The following APBB2 variants were observed in gnomAD, a reference collection of about 807,000 sequenced individuals.
The protein encoded by APBB2 is Fe65-like 1.
A neutral mutation model predicts 82.5 loss-of-function variants in APBB2; 38 were observed. That is an observed-to-expected ratio of 0.46 (90% CI 0.36 to 0.60). The LOEUF is 0.60. APBB2 is among the 20% of genes least tolerant of loss of function. The pLI, the probability that APBB2 is intolerant of heterozygous loss-of-function variation, is 0.00. For synonymous variants in APBB2, 341 were observed against 368.2 expected (o/e 0.93, Z 0.85); for missense variants, 772 against 972.3 (o/e 0.79, Z 2.74).
At chr4:41,019,082 T>C (rs1043650966) in intron 5 of APBB2, among the ~76,000 whole-genome samples, 1 of 152,204 alleles carries the variant, frequency 6.6e-6, no homozygotes, top group Non-Finnish European at 1.5e-5. Flanking sequence ...TGGTGACTTC[T>C]ATCATATCAG....
chr4:40,936,838 C>T (rs935014972), intron 7 of APBB2, among the ~76,000 whole-genome samples: 1 of 152,186 alleles, frequency 6.6e-6, no homozygotes, highest in Admixed American at 6.5e-5. Flanking sequence ...AAATTAATAA[C>T]CTAGGGCAAT....
chr4:40,814,640 G>C lies in APBB2; in HGVS notation c.*1452C>G, dbSNP rs878914883. On this transcript the variant is annotated 3_prime_UTR_variant, in exon 18 of 18. Transcript: ENST00000508593. Reference sequence around the variant, plus strand: ...TAAAGCATTACTTTTATAATTGGATGTTGTAAATGTTAATTTTGACATTAA... The same window carrying C: ...TAAAGCATTACTTTTATAATTGGATCTTGTAAATGTTAATTTTGACATTAA... 2 of 152,198 alleles carry C rather than the reference G, an allele frequency of 1.3e-5. No individual in the cohort carries two copies. Among genetic ancestry groups the C allele is most frequent in the Non-Finnish European group, 2.9e-5 (2 of 68,022 alleles). The allele number at this position is 152,198 out of a possible 1,614,324, so 9.4% of individuals were successfully genotyped here.
chr4:40,893,794 C>T (rs10001985), intron 10 of APBB2, among the ~76,000 whole-genome samples: 4,057 of 151,488 alleles, frequency 0.027, 119 homozygotes, highest in African/African-American at 0.076. Flanking sequence ...GCCAACATGG[C>T]GAAACCCCGT....
At chr4:41,010,704 A>G (rs569987416) in intron 6 of APBB2, among the ~76,000 whole-genome samples, 1 of 152,346 alleles carries the variant, frequency 6.6e-6, no homozygotes, top group South Asian at 2.1e-4. Context: ...ACTTGTATAT[A>G]GTGGAATAGT....
At position 40,934,523 on chromosome 4, in the gene APBB2, AG is replaced by A; in HGVS notation, c.1194-8del. On this transcript the variant is annotated splice_region_variant and splice_polypyrimidine_tract_variant and intron_variant, in intron 9 of 17. Transcript: ENST00000508593. Reference sequence around the variant, plus strand: ...ATCAGGGTGTGGGGCATTTCTAGGCAGAAAAACAGAAAAGTGGACTTAGAAT... The same window carrying A: ...ATCAGGGTGTGGGGCATTTCTAGGCAAAAAACAGAAAAGTGGACTTAGAAT... 6.2e-7 allele frequency: 1 copy of A among 1,614,174 alleles called. No homozygotes were observed. Among genetic ancestry groups the A allele is most frequent in the Non-Finnish European group, 8.5e-7 (1 of 1,180,000 alleles).
chr4:41,101,413 G>C (rs573013981), intron 2 of APBB2, among the ~76,000 whole-genome samples: 1 of 137,950 alleles, frequency 7.2e-6, no homozygotes, highest in Non-Finnish European at 1.5e-5. Flanking sequence ...GCAGTGAGCC[G>C]AGATTGCGCC....
At chr4:41,059,133 C>T (rs1728849315) in intron 4 of APBB2, among the ~76,000 whole-genome samples, 1 of 151,932 alleles carries the variant, frequency 6.6e-6, no homozygotes, top group South Asian at 2.1e-4. Flanking sequence ...AAATACAGAA[C>T]ACCCATGAAG....
At chr4:41,170,838 G>T (rs765539717) in intron 1 of APBB2, among the ~76,000 whole-genome samples, 4 of 152,114 alleles carry the variant, frequency 2.6e-5, no homozygotes, top group Admixed American at 6.5e-5. Flanking sequence ...TCTTTGTACT[G>T]TTTTTGCTAC....
At chr4:41,204,839 A>G (rs931923155) in intron 1 of APBB2, among the ~76,000 whole-genome samples, 16 of 152,212 alleles carry the variant, frequency 1.1e-4, no homozygotes, top group African/African-American at 3.9e-4. Flanking sequence ...GAAAGATATA[A>G]CAACTGAGCT....
chr4:41,033,036 G>A (rs1232399619), intron 5 of APBB2, among the ~76,000 whole-genome samples, 200 bp downstream of exon 5: 1 of 151,942 alleles, frequency 6.6e-6, no homozygotes, highest in Non-Finnish European at 1.5e-5. Flanking sequence ...GCCGGTCTCG[G>A]CCTCCCAAAG....
intron 6 of APBB2, among the ~76,000 whole-genome samples, chr4:40,953,624 C>T (rs1348957051): frequency 6.6e-6 from 1 of 152,244 alleles, no homozygotes; most frequent in Non-Finnish European, 1.5e-5. Context: ...AGGCCAGCCA[C>T]TCCAGCTGGC....
chr4:41,079,225 T>G (rs1736674616), intron 3 of APBB2, among the ~76,000 whole-genome samples: 1 of 152,226 alleles, frequency 6.6e-6, no homozygotes, highest in Non-Finnish European at 1.5e-5. Context: ...CAGTCTCTTT[T>G]TAGTGCCTGT....
intron 1 of APBB2, among the ~76,000 whole-genome samples, chr4:41,170,112 G>C (rs957710834): frequency 6.6e-6 from 1 of 152,212 alleles, no homozygotes; most frequent in African/African-American, 2.4e-5. Context: ...CACAGTCTCT[G>C]CTAAGTGAGG....
chr4:40,955,503 A>T (rs1381248610), intron 6 of APBB2, among the ~76,000 whole-genome samples: 2 of 152,346 alleles, frequency 1.3e-5, no homozygotes, highest in East Asian at 3.9e-4. Context: ...TCTTGAAGGG[A>T]TCTTTCTGAT....
rs556770587 is a variant in APBB2 at position 41,199,424 on chromosome 4, T to C, written c.-417+14981A>G. Among the ~76,000 whole-genome samples the C allele has an allele frequency of 2.0e-5, 3 of 152,314 alleles. No individual in the cohort carries two copies. In the South Asian group the frequency reaches 6.2e-4, roughly 32 times the overall value. ...TTTCCCTAGAAGAGAAGCTAGTTAA[T>C]ATACCAAAAAAATTCCAAGGGCAGT... On this transcript the variant is annotated intron_variant, in intron 1 of 17. Transcript: ENST00000508593.
At chr4:40,877,666 C>G (rs1178441249) in intron 12 of APBB2, among the ~76,000 whole-genome samples, 1 of 152,178 alleles carries the variant, frequency 6.6e-6, no homozygotes, top group Non-Finnish European at 1.5e-5. Flanking sequence ...CCTGCTGGGA[C>G]AGACCTGGTT....
intron 1 of APBB2, among the ~76,000 whole-genome samples, chr4:41,178,076 A>G (rs1030196229): frequency 2.6e-5 from 4 of 152,216 alleles, no homozygotes; most frequent in Non-Finnish European, 5.9e-5. Context: ...TATGCTAAAC[A>G]ACTTCATGTC....
At chr4:41,134,978 T>C (rs1370651432) in intron 2 of APBB2, among the ~76,000 whole-genome samples, 1 of 152,160 alleles carries the variant, frequency 6.6e-6, no homozygotes, top group Non-Finnish European at 1.5e-5. Flanking sequence ...TCAAGACCAG[T>C]GGTCATTTTC....
intron 5 of APBB2, among the ~76,000 whole-genome samples, chr4:41,024,792 G>A (rs2154435064): frequency 6.6e-6 from 1 of 152,364 alleles, no homozygotes; most frequent in South Asian, 2.1e-4. Flanking sequence ...GGCCTGGGCT[G>A]CAGCCATCTG....
Sources: gnomAD v4.1 joint callset for allele counts (sites outside exome capture counted in the v4.1 genomes callset) on GRCh38, gnomAD v4.1.1 for gene constraint, MANE v1.5 for transcripts, NCBI Gene and HGNC (gene_info 2026-07-23, HGNC 2026-07-21) for gene names.